Variants in TMEM9B observed in about 807,000 individuals in gnomAD.
The protein encoded by TMEM9B is TMEM9 domain family member B.
In TMEM9B, 8 loss-of-function variants were observed where a neutral mutation model predicts 23.5. The observed-to-expected ratio is 0.34, with a 90% CI of 0.20 to 0.61. TMEM9B has a LOEUF of 0.61. Ranked by LOEUF, TMEM9B falls within the 20% of genes least tolerant of loss-of-function variation. The probability of loss-of-function intolerance (pLI) is 0.78; values close to 1 mark genes in which losing one functional copy is unlikely to be tolerated. For missense variants in TMEM9B, 197 were observed against 252.3 expected, an observed-to-expected ratio of 0.78 and a Z score of 1.49; for synonymous variants, 106 against 96.3, an observed-to-expected ratio of 1.10 and a Z score of -0.59.
intron 1 of TMEM9B, 29 bp downstream of exon 1, chr11:8,964,180 C>A (rs1412164560): frequency 1.3e-6 from 2 of 1,551,170 alleles, no homozygotes; most frequent in Non-Finnish European, 8.7e-7. Flanking sequence ...GAGGAGCTTC[C>A]GTCAGGAGCG....
At chr11:8,959,400 T>C (rs1434932810) in intron 2 of TMEM9B, among the ~76,000 whole-genome samples, 4 of 152,202 alleles carry the variant, frequency 2.6e-5, no homozygotes, top group Admixed American at 2.6e-4. Context: ...ATCGTGCCAC[T>C]GCACTCTAGC....
At chr11:8,961,438 C>A (rs1259374051) in intron 2 of TMEM9B, among the ~76,000 whole-genome samples, 4 of 152,246 alleles carry the variant, frequency 2.6e-5, no homozygotes, top group Non-Finnish European at 5.9e-5. Context: ...TGCATCCCAA[C>A]TGCTTCATGG....
At chr11:8,956,746 G>T (rs1853981680) in intron 2 of TMEM9B, among the ~76,000 whole-genome samples, 1 of 152,128 alleles carries the variant, frequency 6.6e-6, no homozygotes, top group African/African-American at 2.4e-5. Context: ...AAGAGACAAG[G>T]TCTTGCTCTG....
chr11:8,959,446 C>G (rs977999051), intron 2 of TMEM9B, among the ~76,000 whole-genome samples: 2 of 152,210 alleles, frequency 1.3e-5, no homozygotes, highest in African/African-American at 4.8e-5. Context: ...ATCCAGGACT[C>G]CTGCTTCCTA....
Position 8,964,422 on chromosome 11 carries a change from C to T in TMEM9B, c.-109G>A. The T allele has an allele frequency of 2.8e-6, 4 of 1,436,458 alleles. No homozygotes were observed. Among genetic ancestry groups the T allele is most frequent in the South Asian group, 1.5e-5 (1 of 67,880 alleles). The allele number at this position is 1,436,458 out of a possible 1,614,324, so 89.0% of individuals were successfully genotyped here. On this transcript the variant is annotated 5_prime_UTR_variant, in exon 1 of 5. Transcript: ENST00000534025. ...ACAGGCTTGGGACCCGGCTGGGGATCCTCCGCCCGCACTTCCGTCTGGACG... is the reference window on the plus strand; with the variant it reads ...ACAGGCTTGGGACCCGGCTGGGGATTCTCCGCCCGCACTTCCGTCTGGACG...
intron 2 of TMEM9B, 95 bp from the exon 3 acceptor site, chr11:8,956,393 T>C: frequency 1.2e-6 from 1 of 867,332 alleles, no homozygotes; most frequent in Non-Finnish European, 1.8e-6. Flanking sequence ...ATCACTAAAC[T>C]TACCCAATGA....
upstream of TMEM9B, chr11:8,964,522 C>A: frequency 7.3e-7 from 1 of 1,378,568 alleles, no homozygotes; most frequent in Non-Finnish European, 9.4e-7. Flanking sequence ...TGCGAAGGGC[C>A]GGGAGGCTGG....
intron 3 of TMEM9B, among the ~76,000 whole-genome samples, chr11:8,955,597 G>C (rs1853959835): frequency 6.6e-6 from 1 of 152,156 alleles, no homozygotes; most frequent in Admixed American, 6.5e-5. Context: ...GTCCACAATA[G>C]AGTTCATGCT....
At chr11:8,951,389 C>G (rs11042135) in intron 4 of TMEM9B, among the ~76,000 whole-genome samples, 3 of 152,008 alleles carry the variant, frequency 2.0e-5, no homozygotes, top group Admixed American at 1.3e-4. Flanking sequence ...TTTTAAGGAA[C>G]ATAGTCCAAT....
intron 1 of TMEM9B, among the ~76,000 whole-genome samples, chr11:8,962,542 T>C (rs1191076126): frequency 2.0e-5 from 3 of 152,162 alleles, no homozygotes; most frequent in Non-Finnish European, 4.4e-5. Context: ...AGAATATTCA[T>C]TACTAAAGGA....
In TMEM9B at chr11:8,956,988, G is replaced by A. The variant is rs189572695; in HGVS notation, c.198-690C>T. ...TCCTATCTTGGCCTCCTAAAGTGCCGGGATTACAGGTGTGAGCCACCGTGC... is the reference window on the plus strand; with the variant it reads ...TCCTATCTTGGCCTCCTAAAGTGCCAGGATTACAGGTGTGAGCCACCGTGC... On this transcript the variant is annotated intron_variant, in intron 2 of 4. Coordinates refer to ENST00000534025, the MANE Select transcript of TMEM9B (RefSeq NM_020644.3). Among the ~76,000 whole-genome samples the A allele has an allele frequency of 3.9e-3, 599 of 152,284 alleles. 13 individuals are homozygous for A. The highest frequency in any genetic ancestry group is 0.037 in the Admixed American group (562 of 15,298).
At chr11:8,948,534 C>A in intron 4 of TMEM9B, 59 bp from the exon 5 acceptor site, 9 of 1,556,836 alleles carry the variant, frequency 5.8e-6, no homozygotes, top group Admixed American at 3.8e-5. Flanking sequence ...AACATAGACA[C>A]ACAACAGTGA....
At chr11:8,953,741 A>T in intron 3 of TMEM9B, among the ~76,000 whole-genome samples, 1 of 152,208 alleles carries the variant, frequency 6.6e-6, no homozygotes, top group East Asian at 1.9e-4. Context: ...GTACAGTGTG[A>T]CACACCCACT....
At chr11:8,961,748 T>A (rs1270894864) in intron 2 of TMEM9B, among the ~76,000 whole-genome samples, 1 of 152,214 alleles carries the variant, frequency 6.6e-6, no homozygotes, top group Non-Finnish European at 1.5e-5. Flanking sequence ...AAACGAGGCT[T>A]GCTAACCTTC....
chr11:8,956,304 A>C lies in TMEM9B; in HGVS notation c.198-6T>G. 6.2e-7 allele frequency: 1 copy of C among 1,612,248 alleles called. No homozygotes were observed. Reference sequence around the variant, plus strand: ...CCACAACATGAAGGCAATCACTGAAAAAACAAAGATAAAATGCTGCTTAAG... The same window carrying C: ...CCACAACATGAAGGCAATCACTGAACAAACAAAGATAAAATGCTGCTTAAG... On this transcript the variant is annotated splice_polypyrimidine_tract_variant and splice_region_variant and intron_variant, in intron 2 of 4. Coordinates refer to ENST00000534025, the MANE Select transcript of TMEM9B (RefSeq NM_020644.3).
rs1853813979 is a variant in TMEM9B, at chr11:8,948,439, C to T, written c.478G>A (p.Ala160Thr). 1.2e-6 allele frequency: 2 copies of T among 1,614,072 alleles called. No individual in the cohort carries two copies. Among genetic ancestry groups the T allele is most frequent in the African/African-American group, 1.3e-5 (1 of 74,928 alleles). Residue 160 changes from alanine (A) to threonine (T), a missense_variant, in exon 5 of 5, where the codon GCC becomes ACC. By Grantham distance (58) the Ala-to-Thr change is moderately conservative. This residue lies in a region of TMEM9B where 141 missense variants were observed against 214.1 expected (regional missense o/e 0.66). Coordinates refer to ENST00000534025, the MANE Select transcript of TMEM9B (RefSeq NM_020644.3). ...QPFANAHDVL[A>T]RSRSRANVLN... Reference sequence around the variant, plus strand: ...ACGTTGGCTCGACTGCGGGAGCGGGCTAGCACATCGTGTGCATTTGCAAAA... The same window carrying T: ...ACGTTGGCTCGACTGCGGGAGCGGGTTAGCACATCGTGTGCATTTGCAAAA...
At chr11:8,950,915 AAC>A (rs536362715) in intron 4 of TMEM9B, among the ~76,000 whole-genome samples, 19 of 152,232 alleles carry the variant, frequency 1.2e-4, no homozygotes, top group Non-Finnish European at 2.4e-4. Flanking sequence ...TTGGATAAGC[AAC>A]AGTTTTAAAA....
chr11:8,964,350 C>A lies in TMEM9B; in HGVS notation c.-37G>T, dbSNP rs997931684. 8 of 1,540,868 alleles carry A rather than the reference C, an allele frequency of 5.2e-6. No homozygotes were observed. The highest frequency in any genetic ancestry group is 7.0e-6 in the Non-Finnish European group (8 of 1,144,116). On this transcript the variant is annotated 5_prime_UTR_variant, in exon 1 of 5. Coordinates refer to ENST00000534025, the MANE Select transcript of TMEM9B (RefSeq NM_020644.3). ...CAGCGGTCCCACAGCCCGGAGCCCC[C>A]GCGACCGGCTCCCGGCTCGGGCTCA...
chr11:8,953,421 A>C, intron 3 of TMEM9B, 84 bp from the exon 4 acceptor site: 3 of 1,368,642 alleles, frequency 2.2e-6, no homozygotes, highest in Non-Finnish European at 3.1e-6. Flanking sequence ...ACTGACTGAC[A>C]TATCTGCTAA....
Sources: allele counts gnomAD v4.1 joint callset (sites outside exome capture counted in the v4.1 genomes callset), GRCh38; gene constraint gnomAD v4.1.1; regional missense constraint gnomAD v4.1.1; transcripts MANE v1.5; gene names NCBI Gene and HGNC (gene_info 2026-07-23, HGNC 2026-07-21).